HIVEP1: variants seen among roughly 807,000 people sequenced by gnomAD.
HIVEP1 encodes the protein HIVEP zinc finger 1.
HIVEP1 carries 36 observed loss-of-function variants against 180.0 expected under a neutral mutation model. The observed-to-expected ratio is 0.20, with a 90% CI of 0.15 to 0.26. The LOEUF is 0.26. Ranked by LOEUF, HIVEP1 falls within the 10% of genes least tolerant of loss-of-function variation. HIVEP1 has a pLI of 1.00. For missense variants in HIVEP1, 3,143 were observed against 3,268.7 expected (o/e 0.96, Z 0.94); for synonymous variants, 1,239 against 1,239.0 (o/e 1.00, Z 0.00).
At chr6:12,105,615 C>A (rs1017735728) in intron 3 of HIVEP1, among the ~76,000 whole-genome samples, 3 of 152,140 alleles carry the variant, frequency 2.0e-5, no homozygotes, top group Non-Finnish European at 4.4e-5. Flanking sequence ...TATAAAAGTT[C>A]TTTATACATT....
intron 2 of HIVEP1, among the ~76,000 whole-genome samples, chr6:12,047,944 C>A (rs549480617): frequency 6.6e-6 from 1 of 152,192 alleles, no homozygotes; most frequent in African/African-American, 2.4e-5. Flanking sequence ...CTTTTCACAT[C>A]TGAGTACTGA....
intron 2 of HIVEP1, chr6:12,038,606 AG>A (rs1483418786): frequency 1.3e-5 from 2 of 152,486 alleles, no homozygotes; most frequent in African/African-American, 2.4e-5. Context: ...CAGGAGGCGG[AG>A]GTTGCAGTGA....
rs1056199320 is a variant in HIVEP1, at chr6:12,044,146, C to T, written c.40+28478C>T. On this transcript the variant is annotated intron_variant, in intron 2 of 8. Coordinates refer to ENST00000379388, the MANE Select transcript of HIVEP1 (RefSeq NM_002114.4). ...CACTATCTTAAAGCCGTGAATGGCACGGCGCAAATGGGTTTCTGGGCTCCT... is the reference window on the plus strand; with the variant it reads ...CACTATCTTAAAGCCGTGAATGGCATGGCGCAAATGGGTTTCTGGGCTCCT... 7.9e-5 allele frequency among the ~76,000 whole-genome samples: 12 copies of T among 152,082 alleles called. 1 individual carries two copies. In the East Asian group the frequency reaches 1.2e-3, roughly 15 times the overall value.
At chr6:12,193,620 ATTTG>A in the HIVEP1 span, among the ~76,000 whole-genome samples, 64,759 of 151,606 alleles carry the variant, frequency 0.43, 14,612 homozygotes, top group Non-Finnish European at 0.49. Context: ...ACATCTTGCA[ATTTG>A]TTTGTTTGTG....
chr6:12,165,114 A>G (rs777718235), downstream of HIVEP1: 2 of 514,054 alleles, frequency 3.9e-6, no homozygotes, highest in African/African-American at 3.9e-5. Context: ...TTTTTTTTAT[A>G]AACAGAGACT....
At chr6:12,116,952 G>A (rs1309660103) in intron 3 of HIVEP1, among the ~76,000 whole-genome samples, 2 of 151,996 alleles carry the variant, frequency 1.3e-5, no homozygotes, top group Non-Finnish European at 2.9e-5. Flanking sequence ...TGGGAAATAT[G>A]GAACTAAGGG....
intron 3 of HIVEP1, among the ~76,000 whole-genome samples, chr6:12,094,128 A>AT (rs569444712): frequency 9.2e-5 from 14 of 151,548 alleles, no homozygotes; most frequent in African/African-American, 2.9e-4. Context: ...CATTTTAATG[A>AT]TTTTTTCTTT....
At chr6:12,025,994 C>T (rs1047808218) in intron 2 of HIVEP1, among the ~76,000 whole-genome samples, 4 of 151,250 alleles carry the variant, frequency 2.6e-5, no homozygotes, top group African/African-American at 9.7e-5. Context: ...GAGCTAAGAC[C>T]ACACCATTGC....
At chr6:12,070,836 G>A (rs1008969772) in intron 2 of HIVEP1, among the ~76,000 whole-genome samples, 37 of 152,156 alleles carry the variant, frequency 2.4e-4, no homozygotes, top group African/African-American at 8.4e-4. Flanking sequence ...CATCTGATCA[G>A]TATCTTTATC....
intron 2 of HIVEP1, among the ~76,000 whole-genome samples, chr6:12,041,377 C>A (rs1038682349): frequency 2.0e-5 from 3 of 148,614 alleles, no homozygotes; most frequent in African/African-American, 5.0e-5. Context: ...AGCCGAGATC[C>A]CGCCATTGCA....
In HIVEP1 at chr6:12,124,478, A is replaced by G. The variant is rs768588125; in HGVS notation, c.4683A>G (p.Gln1561=). 7 of 1,614,116 alleles carry G rather than the reference A, an allele frequency of 4.3e-6. No individual in the cohort carries two copies. In the South Asian group the frequency reaches 4.4e-5, roughly 10 times the overall value. ...KSEDCFAPKY[Q]LHCQVFTSGP... ...AGGATTGCTTTGCTCCCAAATACCAATTGCATTGTCAGGTTTTCACTTCAG... is the reference window on the plus strand; with the variant it reads ...AGGATTGCTTTGCTCCCAAATACCAGTTGCATTGTCAGGTTTTCACTTCAG... Residue 1561 remains glutamine (Q), a synonymous_variant, in exon 4 of 9, where the codon CAA becomes CAG. Coordinates refer to ENST00000379388, the MANE Select transcript of HIVEP1 (RefSeq NM_002114.4).
chr6:12,116,920 G>A (rs1775251672), intron 3 of HIVEP1, among the ~76,000 whole-genome samples: 1 of 152,128 alleles, frequency 6.6e-6, no homozygotes, highest in Non-Finnish European at 1.5e-5. Context: ...AACTTAATAT[G>A]AGACAATAAA....
the HIVEP1 span, among the ~76,000 whole-genome samples, chr6:12,205,499 C>T: frequency 1.3e-5 from 2 of 151,778 alleles, no homozygotes; most frequent in East Asian, 1.9e-4. Flanking sequence ...AACAAAGCTA[C>T]GTGGGGCATG....
rs556369502 is a variant in HIVEP1, at chr6:12,070,171, G to A, written c.41-19013G>A. Among the ~76,000 whole-genome samples the A allele has an allele frequency of 2.0e-4, 30 of 152,276 alleles. 1 individual carries two copies. In the South Asian group the frequency reaches 3.5e-3, roughly 18 times the overall value. Reference sequence around the variant, plus strand: ...TACTATTAACTTTTTTTAAAAATGAGTAGAAGGAGTACAGTCTAAAATGAC... The same window carrying A: ...TACTATTAACTTTTTTTAAAAATGAATAGAAGGAGTACAGTCTAAAATGAC... On this transcript the variant is annotated intron_variant, in intron 2 of 8. Coordinates refer to ENST00000379388, the MANE Select transcript of HIVEP1 (RefSeq NM_002114.4).
chr6:12,194,394 A>G, the HIVEP1 span, among the ~76,000 whole-genome samples: 7 of 152,334 alleles, frequency 4.6e-5, no homozygotes, highest in East Asian at 1.4e-3. Flanking sequence ...AATCTACCAC[A>G]TAACTAAATT....
At chr6:12,207,457 A>G in the HIVEP1 span, among the ~76,000 whole-genome samples, 1 of 152,192 alleles carries the variant, frequency 6.6e-6, no homozygotes, top group Non-Finnish European at 1.5e-5. Context: ...CTATGTTAAT[A>G]ATAGAAAAAA....
rs772086542 is a variant in HIVEP1 at position 12,124,103 on chromosome 6, C to T, written c.4308C>T (p.Asn1436=). ...CACTGGTACGGCAAATATCTTTAAA[C>T]ATAGCCCCAGATAGTCATCTGTCTC... is the stretch of plus-strand genomic sequence containing the variant. ...RGPLVRQISL[N]IAPDSHLSPV... is the part of the protein sequence containing the mutation. The change falls in exon 4 of 9, where the codon AAC becomes AAT. Residue 1436 remains asparagine (N), a synonymous_variant. Coordinates refer to ENST00000379388, the MANE Select transcript of HIVEP1 (RefSeq NM_002114.4). 1 of 1,614,142 alleles carries T rather than the reference C, an allele frequency of 6.2e-7. No individual in the cohort carries two copies. The highest frequency in any genetic ancestry group is 8.5e-7 in the Non-Finnish European group (1 of 1,179,988).
At chr6:12,181,138 A>T in the HIVEP1 span, among the ~76,000 whole-genome samples, 1 of 152,122 alleles carries the variant, frequency 6.6e-6, no homozygotes, top group Non-Finnish European at 1.5e-5. Context: ...AGGCAGGTGG[A>T]TCACGAGGTT....
intron 7 of HIVEP1, among the ~76,000 whole-genome samples, chr6:12,141,586 C>T (rs1275616791): frequency 1.3e-5 from 2 of 148,298 alleles, no homozygotes; most frequent in Admixed American, 1.4e-4. Flanking sequence ...GATAAAGAGA[C>T]AAGACCCATC....
Sources: gnomAD v4.1 joint callset for allele counts (sites outside exome capture counted in the v4.1 genomes callset) on GRCh38, gnomAD v4.1.1 for gene constraint, MANE v1.5 for transcripts, NCBI Gene and HGNC (gene_info 2026-07-23, HGNC 2026-07-21) for gene names.